The following NKAIN2 variants were observed in gnomAD, a reference collection of about 807,000 sequenced individuals.
NKAIN2 encodes sodium/potassium transporting ATPase interacting 2.
NKAIN2 carries 14 observed loss-of-function variants against 32.6 expected under a neutral mutation model. The observed-to-expected ratio is 0.43, with a 90% CI of 0.28 to 0.67. The LOEUF (loss-of-function observed/expected upper bound fraction) is 0.67, where lower values mean the gene tolerates loss of function less well. Ranked by LOEUF, NKAIN2 falls within the 30% of genes least tolerant of loss-of-function variation. NKAIN2 has a pLI of 0.17. For synonymous variants in NKAIN2, 80 were observed against 87.2 expected (o/e 0.92, Z 0.46); for missense variants, 198 against 258.3 (o/e 0.77, Z 1.60).
chr6:124,127,204 G>A (rs888255411), intron 1 of NKAIN2, among the ~76,000 whole-genome samples: 17 of 152,160 alleles, frequency 1.1e-4, no homozygotes, highest in African/African-American at 4.1e-4. Flanking sequence ...CATGGATGGA[G>A]AGATTCTGAT....
At chr6:124,385,552 A>C (rs1458695086) in intron 3 of NKAIN2, among the ~76,000 whole-genome samples, 1 of 152,110 alleles carries the variant, frequency 6.6e-6, no homozygotes, top group East Asian at 1.9e-4. Context: ...TGGAAATTTG[A>C]ATTTTTAATT....
At chr6:124,748,364 G>A (rs367948428) in intron 4 of NKAIN2, among the ~76,000 whole-genome samples, 159 of 152,050 alleles carry the variant, frequency 1.0e-3, no homozygotes, top group Admixed American at 3.5e-3. Context: ...AAGCACAAAA[G>A]AGCATAAGCC....
At chr6:124,476,049 A>T (rs867719620) in intron 3 of NKAIN2, among the ~76,000 whole-genome samples, 203 of 105,126 alleles carry the variant, frequency 1.9e-3, no homozygotes, top group East Asian at 7.4e-3. Flanking sequence ...TGTGTGTGTG[A>T]GAGAGAGAGA....
intron 4 of NKAIN2, among the ~76,000 whole-genome samples, chr6:124,709,631 G>A (rs903011324): frequency 6.7e-6 from 1 of 149,374 alleles, no homozygotes; most frequent in African/African-American, 2.5e-5. Context: ...TTGCGTAGAG[G>A]TATTTGTAGT....
chr6:124,409,307 T>A (rs1017493525), intron 3 of NKAIN2, among the ~76,000 whole-genome samples: 24 of 152,288 alleles, frequency 1.6e-4, no homozygotes, highest in African/African-American at 5.3e-4. Flanking sequence ...TTTTGCCCAT[T>A]CAGTATGATA....
chr6:124,631,625 A>T (rs1003583034), intron 3 of NKAIN2, among the ~76,000 whole-genome samples: 4 of 152,040 alleles, frequency 2.6e-5, no homozygotes, highest in African/African-American at 9.7e-5. Context: ...GAGCAGCTCT[A>T]ATGCTTGGTG....
At chr6:123,885,638 G>A (rs1773677182) in intron 1 of NKAIN2, among the ~76,000 whole-genome samples, 1 of 151,984 alleles carries the variant, frequency 6.6e-6, no homozygotes, top group African/African-American at 2.4e-5. Context: ...AGACAAATGT[G>A]TTTTCCGTGA....
chr6:124,232,544 A>G (rs1199801506), intron 1 of NKAIN2, among the ~76,000 whole-genome samples: 1 of 152,214 alleles, frequency 6.6e-6, no homozygotes, highest in African/African-American at 2.4e-5. Flanking sequence ...ATCCTTAGAG[A>G]GAAACAGAGG....
intron 4 of NKAIN2, among the ~76,000 whole-genome samples, chr6:124,759,501 G>A (rs945378487): frequency 3.3e-5 from 5 of 151,406 alleles, no homozygotes; most frequent in Non-Finnish European, 7.4e-5. Flanking sequence ...GAAACCCTCT[G>A]CGTTCTCTCC....
Position 123,803,997 on chromosome 6 carries a change from C to T in NKAIN2, c.-204C>T. On this transcript the variant is annotated 5_prime_UTR_variant, in exon 1 of 7. Coordinates refer to ENST00000368417, the MANE Select transcript of NKAIN2 (RefSeq NM_001040214.3). The stretch of plus-strand genomic sequence containing the variant: ...CGAGTGAAGGTATGTGTGGCGGGCG[C>T]GGCTGGAGCTGCCGCCGCCGCCGCC... 1 of 585,996 alleles carries T rather than the reference C, an allele frequency of 1.7e-6. No individual in the cohort carries two copies. Among genetic ancestry groups the T allele is most frequent in the Non-Finnish European group, 3.0e-6 (1 of 328,362 alleles). 36.3% of individuals were successfully genotyped at this position (585,996 alleles called of 1,614,324 possible). A position where few individuals can be genotyped will look rare whatever the true frequency, so the allele number is the denominator to read the frequency against.
intron 1 of NKAIN2, among the ~76,000 whole-genome samples, chr6:124,058,202 TTG>T (rs139403956): frequency 0.014 from 367 of 26,268 alleles, 1 homozygote; most frequent in Non-Finnish European, 0.019. Flanking sequence ...CATTTAAGTT[TTG>T]TTTTTTTTTT....
chr6:124,336,892 C>T lies in NKAIN2; in HGVS notation c.193-18375C>T, dbSNP rs144864458. On this transcript the variant is annotated intron_variant, in intron 2 of 6. Coordinates refer to ENST00000368417, the MANE Select transcript of NKAIN2 (RefSeq NM_001040214.3). ...TTCACCATGTTGGCCAGGATGGTCT[C>T]GATCTTCTGACATTGTGATCCACCT... is the stretch of plus-strand genomic sequence containing the variant. Among the ~76,000 whole-genome samples the T allele has an allele frequency of 2.9e-3, 438 of 151,982 alleles. 1 individual carries two copies. The highest frequency in any genetic ancestry group is 0.01 in the African/African-American group (421 of 41,478).
At chr6:124,437,933 TCAATAG>T in intron 3 of NKAIN2, 1 of 431,168 alleles carries the variant, frequency 2.3e-6, no homozygotes, top group Non-Finnish European at 4.6e-6. Context: ...TCTGATTTTC[TCAATAG>T]TTATTATTTG....
intron 1 of NKAIN2, among the ~76,000 whole-genome samples, chr6:124,258,547 A>G (rs1000514031): frequency 6.7e-6 from 1 of 150,080 alleles, no homozygotes; most frequent in Non-Finnish European, 1.5e-5. Flanking sequence ...TATAAAACTG[A>G]CAGGACTTGA....
intron 3 of NKAIN2, among the ~76,000 whole-genome samples, chr6:124,594,093 G>A (rs912659934): frequency 2.0e-5 from 3 of 152,192 alleles, no homozygotes; most frequent in Non-Finnish European, 4.4e-5. Flanking sequence ...CATTAGTTTA[G>A]TTTTAAAGTT....
chr6:124,063,040 G>T (rs915883949), intron 1 of NKAIN2, among the ~76,000 whole-genome samples: 1 of 151,918 alleles, frequency 6.6e-6, no homozygotes, highest in East Asian at 1.9e-4. Flanking sequence ...ACAAAAATTC[G>T]CCCGGCATGC....
chr6:124,185,901 T>C (rs1029047588), intron 1 of NKAIN2, among the ~76,000 whole-genome samples: 14 of 152,078 alleles, frequency 9.2e-5, no homozygotes, highest in African/African-American at 3.1e-4. Context: ...ACATTTCCCC[T>C]TTGAATATAA....
intron 3 of NKAIN2, among the ~76,000 whole-genome samples, chr6:124,388,158 T>A (rs1339491341): frequency 6.6e-6 from 1 of 151,464 alleles, no homozygotes; most frequent in Non-Finnish European, 1.5e-5. Context: ...ACTTCCACAT[T>A]TTTTAACCTG....
At chr6:124,492,949 G>T (rs941880104) in intron 3 of NKAIN2, among the ~76,000 whole-genome samples, 3 of 151,770 alleles carry the variant, frequency 2.0e-5, no homozygotes, top group African/African-American at 7.3e-5. Context: ...GGCAGAACTG[G>T]GTCTGTGCAC....
Sources: allele counts gnomAD v4.1 joint callset (sites outside exome capture counted in the v4.1 genomes callset), GRCh38; gene constraint gnomAD v4.1.1; transcripts MANE v1.5; gene names NCBI Gene and HGNC (gene_info 2026-07-23, HGNC 2026-07-21).